The following SUSD5 variants were observed in gnomAD, a reference collection of about 807,000 sequenced individuals.
SUSD5 encodes sushi domain containing 5.
In SUSD5, 33 loss-of-function variants were observed where a neutral mutation model predicts 29.5. The observed-to-expected ratio is 1.12, with a 90% CI of 0.85 to 1.49. The LOEUF (loss-of-function observed/expected upper bound fraction) is 1.49. SUSD5 is among the 40% of genes most tolerant of loss of function. The pLI, the probability that SUSD5 is intolerant of heterozygous loss-of-function variation, is 0.00. For synonymous variants in SUSD5, 308 were observed against 325.3 expected (o/e 0.95, Z 0.57); for missense variants, 776 against 800.6 (o/e 0.97, Z 0.37).
chr3:33,191,199 G>C (rs926975374), intron 3 of SUSD5, among the ~76,000 whole-genome samples: 1 of 151,172 alleles, frequency 6.6e-6, no homozygotes, highest in African/African-American at 2.4e-5. Context: ...GCATGATCTC[G>C]GCTCACTACA....
At chr3:33,191,945 C>A (rs1038994936) in intron 3 of SUSD5, among the ~76,000 whole-genome samples, 1 of 152,116 alleles carries the variant, frequency 6.6e-6, no homozygotes, top group African/African-American at 2.4e-5. Flanking sequence ...TCTCTAAAAA[C>A]CCAAAAGAAT....
intron 2 of SUSD5, among the ~76,000 whole-genome samples, chr3:33,209,565 TTTTC>T (rs540058184): frequency 4.9e-4 from 74 of 151,942 alleles, no homozygotes; most frequent in Middle Eastern, 6.8e-3. Context: ...TTTCCTTTCC[TTTTC>T]TTTCTTTCTT....
At position 33,153,683 on chromosome 3, in the gene SUSD5, G is replaced by A; in HGVS notation, c.949C>T (p.Gln317Ter). ...CTGTGGTTGTCTCCAGCAGAAAACT[G>A]CTTTTTGGTGTCATCATCCACCTCC... The part of the protein sequence containing the change: ...EKEVDDDTKK[Q>*]FSAGDNHSGV... The change falls in exon 5 of 5, where the codon CAG (glutamine) becomes TAG (stop). Residue 317 changes from glutamine (Q) to a stop codon, truncating the protein, a stop_gained. Coordinates refer to ENST00000309558, the MANE Select transcript of SUSD5 (RefSeq NM_015551.2). LOFTEE classifies it low-confidence loss of function (END_TRUNC). 2 of 1,614,004 alleles carry A rather than the reference G, an allele frequency of 1.2e-6. No individual in the cohort carries two copies. The highest frequency in any genetic ancestry group is 4.5e-5 in the East Asian group (2 of 44,878).
At chr3:33,211,648 T>C (rs1296694017) in intron 2 of SUSD5, among the ~76,000 whole-genome samples, 2 of 152,200 alleles carry the variant, frequency 1.3e-5, no homozygotes, top group African/African-American at 4.8e-5. Flanking sequence ...CATCTTAGGA[T>C]CATCATCTAC....
chr3:33,193,881 AC>A (rs1023506830), intron 3 of SUSD5, among the ~76,000 whole-genome samples: 2 of 151,668 alleles, frequency 1.3e-5, no homozygotes, highest in Non-Finnish European at 2.9e-5. Flanking sequence ...CCTGAAACAA[AC>A]CCCCCCACCA....
intron 3 of SUSD5, among the ~76,000 whole-genome samples, chr3:33,199,411 C>T (rs2032063425): frequency 6.6e-6 from 1 of 152,148 alleles, no homozygotes; most frequent in Non-Finnish European, 1.5e-5. Flanking sequence ...GTAGCTGGGA[C>T]TACAGGCACC....
At chr3:33,156,546 C>A (rs543872971) in intron 4 of SUSD5, among the ~76,000 whole-genome samples, 1 of 152,280 alleles carries the variant, frequency 6.6e-6, no homozygotes, top group East Asian at 1.9e-4. Context: ...CAGCAGCAGC[C>A]CTTTGACCTT....
chr3:33,196,316 A>G (rs1038007006), intron 3 of SUSD5, among the ~76,000 whole-genome samples: 7 of 152,254 alleles, frequency 4.6e-5, no homozygotes, highest in Non-Finnish European at 1.0e-4. Flanking sequence ...ATGGTCAGTG[A>G]TGGAGGCTTG....
chr3:33,194,121 T>C (rs1245294057), intron 3 of SUSD5, among the ~76,000 whole-genome samples: 1 of 152,216 alleles, frequency 6.6e-6, no homozygotes, highest in Non-Finnish European at 1.5e-5. Context: ...CTGGCTCATC[T>C]GGTCTTGTGG....
rs750952729 is a variant in SUSD5 at position 33,150,776 on chromosome 3, C to T, written c.*1966G>A. 44 of 152,056 alleles carry T rather than the reference C, an allele frequency of 2.9e-4. No homozygotes were observed. The highest frequency in any genetic ancestry group is 5.1e-4 in the Non-Finnish European group (35 of 68,014). 9.4% of individuals were successfully genotyped at this position (152,056 alleles called of 1,614,324 possible). A position where few individuals can be genotyped will look rare whatever the true frequency, so the allele number is the denominator to read the frequency against. On this transcript the variant is annotated 3_prime_UTR_variant, in exon 5 of 5. Transcript: ENST00000309558. ...AGGTGGCAGGGTAGAAAACATGTTGCGAATGTTTTTTTTCCTTAGGTAAAA... is the reference window on the plus strand; with the variant it reads ...AGGTGGCAGGGTAGAAAACATGTTGTGAATGTTTTTTTTCCTTAGGTAAAA...
chr3:33,209,903 G>C lies in SUSD5; in HGVS notation c.291-1977C>G, dbSNP rs190625155. Among the ~76,000 whole-genome samples the C allele has an allele frequency of 8.4e-4, 128 of 152,060 alleles. 1 individual carries two copies. Among genetic ancestry groups the C allele is most frequent in the Middle Eastern group, 6.8e-3 (2 of 294 alleles). On this transcript the variant is annotated intron_variant, in intron 2 of 4. Coordinates refer to ENST00000309558, the MANE Select transcript of SUSD5 (RefSeq NM_015551.2). ...TTTTCATGTCTAGAGTTTCCATTTGGTTATTTTTACAGTTTCCACACTCTG... is the reference window on the plus strand; with the variant it reads ...TTTTCATGTCTAGAGTTTCCATTTGCTTATTTTTACAGTTTCCACACTCTG...
intron 3 of SUSD5, among the ~76,000 whole-genome samples, chr3:33,199,516 G>A (rs1288045919): frequency 3.3e-5 from 5 of 152,082 alleles, no homozygotes; most frequent in African/African-American, 4.8e-5. Context: ...CTCGTGATCC[G>A]CCCGCCTCGG....
intron 3 of SUSD5, among the ~76,000 whole-genome samples, chr3:33,177,344 A>G (rs1287443467): frequency 2.6e-5 from 4 of 152,230 alleles, no homozygotes; most frequent in African/African-American, 7.2e-5. Context: ...ATCCATGAAC[A>G]TAGACTATTT....
At chr3:33,195,192 C>G (rs2031972987) in intron 3 of SUSD5, among the ~76,000 whole-genome samples, 1 of 152,178 alleles carries the variant, frequency 6.6e-6, no homozygotes, top group Non-Finnish European at 1.5e-5. Flanking sequence ...GAGACTCTGT[C>G]TCAAAACAAA....
rs1291914637 is a variant in SUSD5, at chr3:33,204,407, G to A, written c.409+3401C>T. ...GCGATCTCGGCTCACTGCAAGCTCC[G>A]CCTCCCAAGTTAACACCATTCTCCT... On this transcript the variant is annotated intron_variant, in intron 3 of 4. Coordinates refer to ENST00000309558, the MANE Select transcript of SUSD5 (RefSeq NM_015551.2). This position sits in a 1 kb window ranked among gnomAD's most constrained non-coding sequence, Gnocchi z 4.5. 1.3e-5 allele frequency among the ~76,000 whole-genome samples: 2 copies of A among 151,052 alleles called. No individual in the cohort carries two copies. Among genetic ancestry groups the A allele is most frequent in the Non-Finnish European group, 3.0e-5 (2 of 67,702 alleles).
At chr3:33,212,093 T>C (rs534550271) in intron 2 of SUSD5, among the ~76,000 whole-genome samples, 5 of 152,182 alleles carry the variant, frequency 3.3e-5, no homozygotes, top group Admixed American at 6.5e-5. Context: ...TAGGAGGATA[T>C]TGAATGTTCC....
intron 3 of SUSD5, among the ~76,000 whole-genome samples, chr3:33,184,725 C>T (rs2031743956): frequency 6.6e-6 from 1 of 152,202 alleles, no homozygotes; most frequent in Non-Finnish European, 1.5e-5. Context: ...ATTTCTGTTA[C>T]AGTGCTCTTG....
rs939742439 is a variant in SUSD5 at position 33,152,282 on chromosome 3, T to C, written c.*460A>G. ...AAAATATAAAAAAATTAGCTGGGCA[T>C]GGTGGTGCATGCCTGTAATCCCACC... On this transcript the variant is annotated 3_prime_UTR_variant, in exon 5 of 5. Coordinates refer to ENST00000309558, the MANE Select transcript of SUSD5 (RefSeq NM_015551.2). The C allele has an allele frequency of 1.9e-5, 3 of 155,732 alleles. No individual in the cohort carries two copies. The highest frequency in any genetic ancestry group is 7.2e-5 in the African/African-American group (3 of 41,432). 9.6% of individuals were successfully genotyped at this position (155,732 alleles called of 1,614,324 possible).
At chr3:33,187,393 A>G (rs906941477) in intron 3 of SUSD5, among the ~76,000 whole-genome samples, 9 of 152,162 alleles carry the variant, frequency 5.9e-5, no homozygotes, top group Non-Finnish European at 1.3e-4. Flanking sequence ...ATGTTTCTGG[A>G]TTTCCCGCAA....
Sources: gnomAD v4.1 joint callset for allele counts (sites outside exome capture counted in the v4.1 genomes callset) on GRCh38, gnomAD v4.1.1 for gene constraint, Gnocchi (gnomAD v3.1) non-coding constraint, MANE v1.5 for transcripts, NCBI Gene and HGNC (gene_info 2026-07-23, HGNC 2026-07-21) for gene names.